Variants in PTPRT observed in about 807,000 individuals in gnomAD.
The protein encoded by PTPRT is protein tyrosine phosphatase receptor type T, also known as receptor-type tyrosine-protein phosphatase T.
In PTPRT, 56 loss-of-function variants were observed where a neutral mutation model predicts 176.8. The observed-to-expected ratio is 0.32, with a 90% confidence interval of 0.26 to 0.40. The LOEUF (loss-of-function observed/expected upper bound fraction) is 0.40. Among genes scored for constraint, PTPRT ranks in the 10% least tolerant of loss-of-function variants. PTPRT has a pLI of 1.00. For missense variants in PTPRT, 1,540 were observed against 1,908.2 expected (o/e 0.81, Z 3.60); for synonymous variants, 783 against 739.0 (o/e 1.06, Z -0.96).
At chr20:42,452,174 C>T (rs2070842729) in intron 8 of PTPRT, among the ~76,000 whole-genome samples, 1 of 151,458 alleles carries the variant, frequency 6.6e-6, no homozygotes, top group Admixed American at 6.6e-5. Flanking sequence ...GAGGCTGAGG[C>T]AGGAGAATTG....
At chr20:42,724,000 A>G (rs73268065) in intron 6 of PTPRT, among the ~76,000 whole-genome samples, 32 of 152,352 alleles carry the variant, frequency 2.1e-4, no homozygotes, top group African/African-American at 5.8e-4. Flanking sequence ...GGCTGTCTCA[A>G]TGAGTGAAAA....
intron 1 of PTPRT, among the ~76,000 whole-genome samples, chr20:43,001,621 A>C (rs1389275155): frequency 6.6e-6 from 1 of 152,170 alleles, no homozygotes; most frequent in East Asian, 1.9e-4. Flanking sequence ...AAGAAGACTA[A>C]AGCTGTAACT....
At chr20:43,040,636 T>C (rs1003460986) in intron 1 of PTPRT, among the ~76,000 whole-genome samples, 7 of 152,192 alleles carry the variant, frequency 4.6e-5, no homozygotes, top group Non-Finnish European at 4.4e-5. Context: ...GAATACCTGC[T>C]AACACTTCCT....
In PTPRT at chr20:42,073,136, C is replaced by T. The variant is rs1982451056; in HGVS notation, c.*7743G>A. 1 of 203,144 alleles carries T rather than the reference C, an allele frequency of 4.9e-6. No individual in the cohort carries two copies. Among genetic ancestry groups the T allele is most frequent in the African/African-American group, 2.3e-5 (1 of 43,576 alleles). 12.6% of individuals were successfully genotyped at this position (203,144 alleles called of 1,614,324 possible). Reference sequence around the variant, plus strand: ...GCAAAGAGTGTGGAGACTTTGGTCTCATGCAATATTATATGCCCAGTGGAT... The same window carrying T: ...GCAAAGAGTGTGGAGACTTTGGTCTTATGCAATATTATATGCCCAGTGGAT... On this transcript the variant is annotated 3_prime_UTR_variant, in exon 31 of 31. Coordinates refer to ENST00000373187, the MANE Select transcript of PTPRT (RefSeq NM_007050.6).
intron 1 of PTPRT, among the ~76,000 whole-genome samples, chr20:43,125,589 T>G (rs925360122): frequency 6.6e-6 from 1 of 152,216 alleles, no homozygotes; most frequent in African/African-American, 2.4e-5. Flanking sequence ...TATTTTAATT[T>G]TGATGTGATA....
chr20:42,707,789 A>G (rs1336349692), intron 6 of PTPRT, among the ~76,000 whole-genome samples: 1 of 152,172 alleles, frequency 6.6e-6, no homozygotes, highest in Non-Finnish European at 1.5e-5. Context: ...CCCCATCTCG[A>G]AAATCAAAAC....
At chr20:42,334,452 G>C (rs764731485) in intron 11 of PTPRT, among the ~76,000 whole-genome samples, 7 of 152,174 alleles carry the variant, frequency 4.6e-5, no homozygotes, top group Non-Finnish European at 7.3e-5. Context: ...AAAATACCTA[G>C]AAAAATATTC....
chr20:42,448,093 G>A lies in PTPRT; in HGVS notation c.1560+127C>T, dbSNP rs1016082726. 1.2e-5 allele frequency: 9 copies of A among 763,010 alleles called. No individual in the cohort carries two copies. The African/African-American group carries it at 1.4e-4, about 12-fold the overall frequency. 47.3% of individuals were successfully genotyped at this position (763,010 alleles called of 1,614,324 possible). On this transcript the variant is annotated intron_variant, in intron 9 of 30. Transcript: ENST00000373187. ...ATGTTTGCACCCCATTGTACTGTCAGAAACCTTTTGGTATGTCTCATCTTA... is the reference window on the plus strand; with the variant it reads ...ATGTTTGCACCCCATTGTACTGTCAAAAACCTTTTGGTATGTCTCATCTTA...
At chr20:42,884,675 G>A (rs2079075189) in intron 2 of PTPRT, among the ~76,000 whole-genome samples, 4 of 152,142 alleles carry the variant, frequency 2.6e-5, no homozygotes, top group Non-Finnish European at 2.9e-5. Flanking sequence ...TCCATGGCCA[G>A]AGTGCACTGA....
In PTPRT at chr20:42,908,121, C is replaced by T. The variant is rs1453677108; in HGVS notation, c.89-22189G>A. 3.3e-5 allele frequency among the ~76,000 whole-genome samples: 5 copies of T among 152,060 alleles called. No individual in the cohort carries two copies. In the East Asian group the frequency reaches 9.7e-4, roughly 29 times the overall value. On this transcript the variant is annotated intron_variant, in intron 1 of 30. Transcript: ENST00000373187. ...CTAAGGCAGAAAGAAGCAAAGCTCA[C>T]ATCCCAAACACGACCCACCGGGAAG... is the stretch of plus-strand genomic sequence containing the variant.
rs2146292828 is a variant in PTPRT, at chr20:42,110,502, G to A, written c.3100-15C>T. The A allele has an allele frequency of 2.5e-6, 4 of 1,581,900 alleles. No homozygotes were observed. Among genetic ancestry groups the A allele is most frequent in the Non-Finnish European group, 3.4e-6 (4 of 1,159,948 alleles). ...TGGTAGCCTTTCTGAGGAAAGAACG[G>A]GCCTCTGTTCTTCCAGCTGCTGCCC... On this transcript the variant is annotated splice_polypyrimidine_tract_variant and intron_variant, in intron 22 of 30. Coordinates refer to ENST00000373187, the MANE Select transcript of PTPRT (RefSeq NM_007050.6).
At chr20:42,871,898 A>T (rs2078852437) in intron 2 of PTPRT, among the ~76,000 whole-genome samples, 1 of 152,248 alleles carries the variant, frequency 6.6e-6, no homozygotes, top group African/African-American at 2.4e-5. Flanking sequence ...TGGACACATC[A>T]TGCTTATATA....
At chr20:43,064,135 T>C (rs762259493) in intron 1 of PTPRT, among the ~76,000 whole-genome samples, 3 of 152,108 alleles carry the variant, frequency 2.0e-5, no homozygotes, top group Non-Finnish European at 1.5e-5. Flanking sequence ...TTTCCCAGGA[T>C]CCCTTGCAGT....
At chr20:42,749,597 T>A (rs2076741336) in intron 6 of PTPRT, among the ~76,000 whole-genome samples, 2 of 152,160 alleles carry the variant, frequency 1.3e-5, no homozygotes, top group Non-Finnish European at 2.9e-5. Flanking sequence ...CTCTCACTGG[T>A]AAAAGGTGGT....
intron 7 of PTPRT, among the ~76,000 whole-genome samples, chr20:42,560,172 C>T (rs2072928584): frequency 6.6e-6 from 1 of 152,202 alleles, no homozygotes; most frequent in Non-Finnish European, 1.5e-5. Flanking sequence ...GTATCAATGA[C>T]TGATGTTCTG....
chr20:42,582,973 C>T (rs771728004), intron 7 of PTPRT, among the ~76,000 whole-genome samples: 3 of 152,160 alleles, frequency 2.0e-5, no homozygotes, highest in East Asian at 1.9e-4. Flanking sequence ...TTGGTCCCAT[C>T]GGCAAACTCT....
chr20:42,831,928 G>A (rs945904952), intron 2 of PTPRT, among the ~76,000 whole-genome samples: 3 of 152,226 alleles, frequency 2.0e-5, no homozygotes, highest in African/African-American at 4.8e-5. Context: ...CACCGTCGGT[G>A]AGAGTGTAAA....
chr20:42,139,636 T>A (rs1462966657), intron 18 of PTPRT, among the ~76,000 whole-genome samples: 1 of 152,256 alleles, frequency 6.6e-6, no homozygotes, highest in Non-Finnish European at 1.5e-5. Context: ...GGGCAGGGGA[T>A]CCTTTCCCAG....
At chr20:42,175,703 G>T (rs920928953) in intron 16 of PTPRT, among the ~76,000 whole-genome samples, 3 of 152,128 alleles carry the variant, frequency 2.0e-5, no homozygotes, top group African/African-American at 7.2e-5. Context: ...AGACTCTTGA[G>T]TCGGCATTAA....
Sources: gnomAD v4.1 joint callset for allele counts (sites outside exome capture counted in the v4.1 genomes callset) on GRCh38, gnomAD v4.1.1 for gene constraint, MANE v1.5 for transcripts, NCBI Gene and HGNC (gene_info 2026-07-23, HGNC 2026-07-21) for gene names.